Variants in LSAMP observed in about 807,000 individuals in gnomAD.
The protein encoded by LSAMP is limbic system associated membrane protein, also known as limbic system-associated membrane protein.
LSAMP carries 7 observed loss-of-function variants against 38.6 expected under a neutral mutation model. That is an observed-to-expected ratio of 0.18 (90% CI 0.10 to 0.34). The LOEUF (loss-of-function observed/expected upper bound fraction) is 0.34, where lower values mean the gene tolerates loss of function less well. Among genes scored for constraint, LSAMP ranks in the 10% least tolerant of loss-of-function variants. LSAMP has a pLI of 1.00. For missense variants in LSAMP, 313 were observed against 420.0 expected, an observed-to-expected ratio of 0.75 and a Z score of 2.23; for synonymous variants, 154 against 166.8, an observed-to-expected ratio of 0.92 and a Z score of 0.59.
At chr3:115,897,771 A>G (rs968614835) in intron 3 of LSAMP, among the ~76,000 whole-genome samples, 2 of 152,062 alleles carry the variant, frequency 1.3e-5, no homozygotes, top group African/African-American at 4.8e-5. Flanking sequence ...AAATAAAAAG[A>G]TGAGCACTGA....
intron 1 of LSAMP, among the ~76,000 whole-genome samples, chr3:116,403,336 GTATT>G (rs1161414571): frequency 2.1e-4 from 32 of 152,006 alleles, no homozygotes. Context: ...AATAAACAAG[GTATT>G]TCTATTTCCA....
chr3:116,436,684 C>T (rs1731610), intron 1 of LSAMP, among the ~76,000 whole-genome samples: 129,756 of 152,128 alleles, frequency 0.85, 55,493 homozygotes, highest in Middle Eastern at 0.98. Flanking sequence ...ACACAATAGA[C>T]GCTGGCATGG....
intron 1 of LSAMP, among the ~76,000 whole-genome samples, chr3:116,356,795 CT>C (rs957877436): frequency 2.0e-5 from 3 of 151,312 alleles, no homozygotes; most frequent in Admixed American, 6.6e-5. Flanking sequence ...CAGTTTCTTT[CT>C]TTTTTTTTGT....
At chr3:116,250,089 A>G (rs991954147) in intron 1 of LSAMP, among the ~76,000 whole-genome samples, 1 of 152,170 alleles carries the variant, frequency 6.6e-6, no homozygotes, top group African/African-American at 2.4e-5. Context: ...TCTTAACATT[A>G]TGTCTTTTGT....
At chr3:116,314,408 G>C (rs2047601379) in intron 1 of LSAMP, among the ~76,000 whole-genome samples, 1 of 152,182 alleles carries the variant, frequency 6.6e-6, no homozygotes, top group African/African-American at 2.4e-5. Flanking sequence ...TCATAGGCTG[G>C]TGGGAAAGAC....
chr3:115,865,331 C>T (rs1295921356), intron 3 of LSAMP, among the ~76,000 whole-genome samples: 1 of 152,196 alleles, frequency 6.6e-6, no homozygotes, highest in East Asian at 1.9e-4. Flanking sequence ...CTATGCATTT[C>T]ATAAATTTCA....
chr3:115,939,040 A>G (rs1937805265), intron 3 of LSAMP, among the ~76,000 whole-genome samples: 1 of 152,184 alleles, frequency 6.6e-6, no homozygotes, highest in Non-Finnish European at 1.5e-5. Context: ...AACATGTAGG[A>G]ACATAATAAC....
chr3:116,019,964 G>A (rs558592280), intron 2 of LSAMP, among the ~76,000 whole-genome samples: 171 of 152,142 alleles, frequency 1.1e-3, no homozygotes, highest in African/African-American at 3.9e-3. Flanking sequence ...GCACATTTAT[G>A]TAAATTAATA....
At chr3:115,874,357 A>G (rs1936128013) in intron 3 of LSAMP, among the ~76,000 whole-genome samples, 1 of 152,012 alleles carries the variant, frequency 6.6e-6, no homozygotes, top group South Asian at 2.1e-4. Flanking sequence ...GCTTGAAACT[A>G]TCCCTATTCT....
At chr3:115,914,942 C>A (rs1937215420) in intron 3 of LSAMP, among the ~76,000 whole-genome samples, 1 of 152,116 alleles carries the variant, frequency 6.6e-6, no homozygotes, top group Admixed American at 6.5e-5. Flanking sequence ...GGGTTAGACT[C>A]CAAAGGGGGT....
At chr3:115,987,808 T>G (rs1054392893) in intron 3 of LSAMP, among the ~76,000 whole-genome samples, 15 of 152,158 alleles carry the variant, frequency 9.9e-5, no homozygotes, top group Non-Finnish European at 5.9e-5. Flanking sequence ...TATTTTGCAG[T>G]CAGGAGAAAA....
At chr3:116,275,844 G>A (rs937581126) in intron 1 of LSAMP, among the ~76,000 whole-genome samples, 3 of 152,126 alleles carry the variant, frequency 2.0e-5, no homozygotes, top group Non-Finnish European at 4.4e-5. Flanking sequence ...AGGACAAACA[G>A]GTAGAAGATG....
At chr3:116,194,750 T>G (rs531831475) in intron 1 of LSAMP, among the ~76,000 whole-genome samples, 1 of 152,302 alleles carries the variant, frequency 6.6e-6, no homozygotes, top group African/African-American at 2.4e-5. Context: ...TCCTGCCTAA[T>G]GCTCAGCTAA....
intron 1 of LSAMP, among the ~76,000 whole-genome samples, chr3:116,241,969 G>A (rs571756761): frequency 2.2e-4 from 33 of 151,964 alleles, no homozygotes; most frequent in Non-Finnish European, 3.4e-4. Context: ...TTGTATTCCC[G>A]GAAATATGAC....
intron 1 of LSAMP, among the ~76,000 whole-genome samples, chr3:116,291,841 G>A (rs143209806): frequency 2.0e-4 from 31 of 152,274 alleles, no homozygotes; most frequent in African/African-American, 7.5e-4. Context: ...TAAACCTGAA[G>A]TTTTTCTGGA....
chr3:116,271,858 G>GGATA (rs1189073022), intron 1 of LSAMP, among the ~76,000 whole-genome samples: 1 of 151,852 alleles, frequency 6.6e-6, no homozygotes, highest in Non-Finnish European at 1.5e-5. Context: ...CTATAGAGAA[G>GGATA]GATAGATAGA....
At chr3:116,102,236 T>A (rs1279703869) in intron 1 of LSAMP, among the ~76,000 whole-genome samples, 2 of 152,204 alleles carry the variant, frequency 1.3e-5, no homozygotes. Flanking sequence ...GCACTGTAGT[T>A]ATTCAGATAA....
intron 1 of LSAMP, among the ~76,000 whole-genome samples, chr3:116,259,759 C>G (rs2046800974): frequency 6.6e-6 from 1 of 151,952 alleles, no homozygotes; most frequent in Non-Finnish European, 1.5e-5. Flanking sequence ...CTGGATAATA[C>G]TTTTGATAAG....
At chr3:115,867,251 A>G (rs950700687) in intron 3 of LSAMP, among the ~76,000 whole-genome samples, 5 of 152,186 alleles carry the variant, frequency 3.3e-5, no homozygotes, top group Admixed American at 1.3e-4. Flanking sequence ...AATATTTTCA[A>G]TAAATTCCTA....
Sources: allele counts gnomAD v4.1 joint callset (sites outside exome capture counted in the v4.1 genomes callset), GRCh38; gene constraint gnomAD v4.1.1; transcripts MANE v1.5; gene names NCBI Gene and HGNC (gene_info 2026-07-23, HGNC 2026-07-21).